Variants in CEP192 observed in about 807,000 individuals in gnomAD.
CEP192 encodes centrosomal protein 192.
A neutral mutation model predicts 271.8 loss-of-function variants in CEP192; 151 were observed. That is an observed-to-expected ratio of 0.56 (90% CI 0.49 to 0.64). The LOEUF (loss-of-function observed/expected upper bound fraction) is 0.64. Ranked by LOEUF, CEP192 falls within the 30% of genes least tolerant of loss-of-function variation. The probability of loss-of-function intolerance (pLI) is 0.00; values close to 1 mark genes in which losing one functional copy is unlikely to be tolerated. For missense variants in CEP192, 2,910 were observed against 3,020.5 expected (o/e 0.96, Z 0.86); for synonymous variants, 995 against 1,076.5 (o/e 0.92, Z 1.48).
intron 43 of CEP192, 71 bp from the exon 44 acceptor site, chr18:13,117,514 C>T: frequency 9.3e-7 from 1 of 1,079,446 alleles, no homozygotes. Flanking sequence ...TAAATAAATG[C>T]TTGGTATGCT....
chr18:13,038,854 T>C (rs935743238), intron 13 of CEP192, among the ~76,000 whole-genome samples: 1 of 152,218 alleles, frequency 6.6e-6, no homozygotes, highest in Admixed American at 6.5e-5. Context: ...AATGTGACGG[T>C]TCATGTAAAG....
chr18:13,036,933 A>G (rs542001799), intron 11 of CEP192, among the ~76,000 whole-genome samples: 3 of 152,362 alleles, frequency 2.0e-5, no homozygotes, highest in South Asian at 4.1e-4. Flanking sequence ...GAGTGCCTCA[A>G]TGCAAGAGTG....
chr18:13,116,991 G>GC (rs1219765599), intron 43 of CEP192, among the ~76,000 whole-genome samples: 16 of 151,940 alleles, frequency 1.1e-4, no homozygotes, highest in Non-Finnish European at 2.1e-4. Context: ...GGAGGCCAAG[G>GC]CAGGAGGATT....
intron 2 of CEP192, among the ~76,000 whole-genome samples, 167 bp downstream of exon 2, chr18:12,999,755 C>T (rs9949589): frequency 0.7 from 106,820 of 151,580 alleles, 38,817 homozygotes; most frequent in African/African-American, 0.89. Flanking sequence ...GTCTTTTTCC[C>T]CATTGCTTTG....
At chr18:13,022,484 G>A (rs140064804) in intron 9 of CEP192, among the ~76,000 whole-genome samples, 2,043 of 152,138 alleles carry the variant, frequency 0.013, 51 homozygotes, top group African/African-American at 0.044. Flanking sequence ...GGGTTCAAGC[G>A]ATCCTCTCTC....
Position 13,038,498 on chromosome 18 carries a change from T to C in CEP192, c.1728T>C (p.Tyr576=), listed in dbSNP as rs1183390815. The change falls in exon 13 of 45, where the codon TAT becomes TAC. Residue 576 remains tyrosine (Y), a synonymous_variant. Transcript: ENST00000506447. The part of the protein sequence containing the change: ...TSDLDKDDAS[Y]LRLSLGEFFA... ...ATTTGGATAAAGATGATGCCAGTTA[T>C]TTACGTCTGTCTTTAGGAGAGTTCT... 2 of 1,551,680 alleles carry C rather than the reference T, an allele frequency of 1.3e-6. No homozygotes were observed. The highest frequency in any genetic ancestry group is 2.4e-5 in the South Asian group (2 of 84,064).
chr18:13,059,007 A>C, intron 20 of CEP192, 75 bp from the exon 21 acceptor site: 2 of 923,714 alleles, frequency 2.2e-6, no homozygotes, highest in East Asian at 2.4e-5. Flanking sequence ...GGGAAAAGGA[A>C]TCTTAAACTA....
rs1346144961 is a variant in CEP192, at chr18:13,008,507, T to C, written c.342T>C (p.Ala114=). The change falls in exon 4 of 45, where the codon GCT becomes GCC. Residue 114 remains alanine, a synonymous_variant. Transcript: ENST00000506447. The part of the protein sequence containing the change: ...SYVESQRLSN[A]LSKQSALQME... ...TGGAAAGTCAACGTTTGTCAAATGC[T>C]CTCAGCAAACAGTCAGCTTTACAAA... 7.7e-6 allele frequency: 12 copies of C among 1,551,280 alleles called. No homozygotes were observed. In the African/African-American group the frequency reaches 1.1e-4, roughly 14 times the overall value.
chr18:13,069,782 AC>A lies in CEP192; in HGVS notation c.5101del (p.Leu1701SerfsTer27). 1 of 1,601,702 alleles carries A rather than the reference AC, an allele frequency of 6.2e-7. No individual in the cohort carries two copies. The highest frequency in any genetic ancestry group is 8.6e-7 in the Non-Finnish European group (1 of 1,169,176). On this transcript the variant is annotated frameshift_variant, in exon 27 of 45. Coordinates refer to ENST00000506447, the MANE Select transcript of CEP192 (RefSeq NM_032142.4). LOFTEE classifies it high-confidence loss of function. ...ACTTTTCAGTGGATCCAAAGAATCT[AC>A]TCCTTAAACCTGGAGAAGAACATGA... The part of the protein sequence containing the change: ...SHFSVDPKNL[L>X]LKPGEEHEVI...
chr18:13,075,935 T>C (rs371051921), intron 30 of CEP192, among the ~76,000 whole-genome samples: 1 of 152,228 alleles, frequency 6.6e-6, no homozygotes, highest in African/African-American at 2.4e-5. Context: ...CAGCTCTGTG[T>C]ATTGTCATCT....
intron 28 of CEP192, 22 bp downstream of exon 28, chr18:13,071,234 A>G: frequency 6.3e-7 from 1 of 1,592,868 alleles, no homozygotes. Flanking sequence ...AGACTGACAA[A>G]TCGTCCACTA....
Position 13,055,794 on chromosome 18 carries a change from C to A in CEP192, c.3204C>A (p.Ser1068Arg). 6.4e-7 allele frequency: 1 copy of A among 1,560,130 alleles called. No homozygotes were observed. Residue 1068 changes from serine to arginine, a missense_variant, in exon 19 of 45, where the codon AGC (serine) becomes AGA (arginine). Coordinates refer to ENST00000506447, the MANE Select transcript of CEP192 (RefSeq NM_032142.4). The part of the protein sequence containing the change: ...ALEDRKSDIT[S>R]ELSTTIIQGS... ...GTTGCACTCAGAGTGATATCACCAG[C>A]GAGTTGAGTACCACAATTATTCAAG...
rs560553032 is a variant in CEP192, at chr18:13,061,779, G to A, written c.4488+2467G>A. On this transcript the variant is annotated intron_variant, in intron 21 of 44. Coordinates refer to ENST00000506447, the MANE Select transcript of CEP192 (RefSeq NM_032142.4). Reference sequence around the variant, plus strand: ...GGTGGGAAAGGCTGTCTTGTGCAGTGTAGGATGTTTAGCAGCGGCCCTGGC... The same window carrying A: ...GGTGGGAAAGGCTGTCTTGTGCAGTATAGGATGTTTAGCAGCGGCCCTGGC... 1.5e-3 allele frequency among the ~76,000 whole-genome samples: 221 copies of A among 152,306 alleles called. 1 individual carries two copies. Among genetic ancestry groups the A allele is most frequent in the South Asian group, 3.3e-3 (16 of 4,830 alleles).
At chr18:13,082,104 G>A (rs1377440803) in intron 30 of CEP192, among the ~76,000 whole-genome samples, 1 of 152,204 alleles carries the variant, frequency 6.6e-6, no homozygotes, top group Non-Finnish European at 1.5e-5. Flanking sequence ...GGAGAGTTCT[G>A]TAGATGTCTA....
chr18:13,058,803 GT>G, intron 20 of CEP192: 1 of 416,476 alleles, frequency 2.4e-6, no homozygotes, highest in South Asian at 2.4e-5. Flanking sequence ...ACCTTTGTCA[GT>G]GTCCTTTTTA....
At position 13,052,969 on chromosome 18, in the gene CEP192, G is replaced by A. The variant is rs542452450; in HGVS notation, c.3068G>A (p.Cys1023Tyr). The A allele has an allele frequency of 1.2e-6, 2 of 1,613,296 alleles. No homozygotes were observed. The highest frequency in any genetic ancestry group is 1.1e-5 in the South Asian group (1 of 90,962). Residue 1023 changes from cysteine to tyrosine, a missense_variant, in exon 18 of 45, where the codon TGT becomes TAT. Coordinates refer to ENST00000506447, the MANE Select transcript of CEP192 (RefSeq NM_032142.4). Reference protein sequence around the residue: ...GSAAQQQQPPCEQELSPLVCS... With the variant: ...GSAAQQQQPPYEQELSPLVCS... ...GCAGCTCAGCAGCAGCAGCCTCCCTGTGAGCAGGAGTTGTCTCCCTTGGTG... is the reference window on the plus strand; with the variant it reads ...GCAGCTCAGCAGCAGCAGCCTCCCTATGAGCAGGAGTTGTCTCCCTTGGTG...
Position 13,097,468 on chromosome 18 carries a change from GT to G in CEP192, c.6557+1164del, listed in dbSNP as rs1486907473. 1.3e-5 allele frequency among the ~76,000 whole-genome samples: 2 copies of G among 151,578 alleles called. 1 individual carries two copies. Among genetic ancestry groups the G allele is most frequent in the East Asian group, 3.9e-4 (2 of 5,170 alleles). ...CATCTCCCCGACCCTTTTTTTTCCA[GT>G]TTCCTCTGCAACTGCTTCATTCTCC... On this transcript the variant is annotated intron_variant, in intron 36 of 44. Coordinates refer to ENST00000506447, the MANE Select transcript of CEP192 (RefSeq NM_032142.4).
At chr18:13,113,434 T>G in intron 40 of CEP192, 152 bp from the exon 41 acceptor site, 1 of 729,136 alleles carries the variant, frequency 1.4e-6, no homozygotes. Context: ...GAAATGAAAT[T>G]GTCCAAATTC....
rs567238326 is a variant in CEP192 at position 13,095,526 on chromosome 18, A to G, written c.6278A>G (p.His2093Arg). 2.8e-5 allele frequency: 45 copies of G among 1,611,088 alleles called. No individual in the cohort carries two copies. The highest frequency in any genetic ancestry group is 4.5e-5 in the East Asian group (2 of 44,852). Residue 2093 changes from histidine (H) to arginine (R), a missense_variant, in exon 35 of 45, where the codon CAT becomes CGT. Transcript: ENST00000506447. Reference sequence around the variant, plus strand: ...AGCGACTTGGGAGCTTCTGGGAAACATGGTGGCAACGTCTCTTTGGATGTT... The same window carrying G: ...AGCGACTTGGGAGCTTCTGGGAAACGTGGTGGCAACGTCTCTTTGGATGTT... Reference protein sequence around the residue: ...STSDLGASGKHGGNVSLDVLP... With the variant: ...STSDLGASGKRGGNVSLDVLP...
Sources: gnomAD v4.1 joint callset for allele counts (sites outside exome capture counted in the v4.1 genomes callset) on GRCh38, gnomAD v4.1.1 for gene constraint, MANE v1.5 for transcripts, NCBI Gene and HGNC (gene_info 2026-07-23, HGNC 2026-07-21) for gene names.